MGA: variants seen among roughly 807,000 people sequenced by gnomAD.
MGA encodes the protein MAX dimerization protein MGA.
A neutral mutation model predicts 261.1 loss-of-function variants in MGA; 40 were observed. That is an observed-to-expected ratio of 0.15 (90% CI 0.12 to 0.20). The LOEUF (loss-of-function observed/expected upper bound fraction) is 0.20, where lower values mean the gene tolerates loss of function less well. MGA is among the 10% of genes least tolerant of loss of function. The probability of loss-of-function intolerance (pLI) is 1.00; values close to 1 mark genes in which losing one functional copy is unlikely to be tolerated. For missense variants in MGA, 3,397 were observed against 3,630.5 expected (o/e 0.94, Z 1.65); for synonymous variants, 1,302 against 1,290.6 (o/e 1.01, Z -0.19).
chr15:41,712,683 A>G (rs1285359517), intron 8 of MGA, among the ~76,000 whole-genome samples: 3 of 152,168 alleles, frequency 2.0e-5, no homozygotes, highest in Non-Finnish European at 4.4e-5. Context: ...TAATTACCCT[A>G]CAATAGGGAC....
intron 5 of MGA, among the ~76,000 whole-genome samples, chr15:41,701,124 T>C (rs998193606): frequency 1.3e-5 from 2 of 152,248 alleles, no homozygotes; most frequent in Non-Finnish European, 2.9e-5. Context: ...TATTGTCAGC[T>C]TTAGCTTCTG....
rs1442822707 is a variant in MGA, at chr15:41,725,855, AATAAATAAAT to A, written c.3431-1323_3431-1314del. Among the ~76,000 whole-genome samples, 6 of 17,574 alleles carry A rather than the reference AATAAATAAAT, an allele frequency of 3.4e-4. 2 individuals are homozygous for A. Among genetic ancestry groups the A allele is most frequent in the Non-Finnish European group, 4.7e-4 (4 of 8,508 alleles). 11.5% of individuals were successfully genotyped at this position (17,574 alleles called of 152,430 possible). ...GTCTCAAAAAAAAAAAAAAAAAAAA[AATAAATAAAT>A]AAATAAATAAATAAGTAAACCCAGG... is the stretch of plus-strand genomic sequence containing the variant. On this transcript the variant is annotated intron_variant, in intron 9 of 23. Transcript: ENST00000219905.
chr15:41,728,973 G>A (rs1336523371), intron 10 of MGA, among the ~76,000 whole-genome samples, 191 bp from the exon 11 acceptor site: 2 of 152,190 alleles, frequency 1.3e-5, no homozygotes, highest in African/African-American at 4.8e-5. Flanking sequence ...TTTCCTGATA[G>A]AGAACTGGAT....
intron 1 of MGA, among the ~76,000 whole-genome samples, chr15:41,644,437 C>G (rs1310039684): frequency 1.3e-5 from 2 of 150,014 alleles, no homozygotes; most frequent in African/African-American, 4.9e-5. Context: ...TGGAGGATCA[C>G]TTGAGTCCAG....
rs2063724969 is a variant in MGA at position 41,764,972 on chromosome 15, C to T, written c.7831C>T (p.Leu2611=). 1.2e-6 allele frequency: 2 copies of T among 1,614,068 alleles called. No individual in the cohort carries two copies. The stretch of plus-strand genomic sequence containing the variant: ...GCAATTGCTCACCCTAAAAGGTCCC[C>T]TATTCTCAGGACCAGTGGTAGCTGT... The change falls in exon 23 of 24, where the codon CTA becomes TTA. Residue 2611 remains leucine (L), a synonymous_variant. Transcript: ENST00000219905.
chr15:41,729,061 T>G (rs936405383), intron 10 of MGA, 103 bp from the exon 11 acceptor site: 1 of 1,196,914 alleles, frequency 8.4e-7, no homozygotes, highest in Non-Finnish European at 1.2e-6. Flanking sequence ...ATTAAAAAAT[T>G]TCGACTGTTG....
intron 15 of MGA, among the ~76,000 whole-genome samples, chr15:41,745,970 T>C (rs1015831972): frequency 3.2e-4 from 48 of 152,220 alleles, no homozygotes; most frequent in African/African-American, 1.1e-3. Flanking sequence ...CTCAGGTAAC[T>C]GCTACTTAAG....
chr15:41,661,815 G>A (rs1170165149), intron 1 of MGA, among the ~76,000 whole-genome samples: 2 of 152,180 alleles, frequency 1.3e-5, no homozygotes, highest in African/African-American at 4.8e-5. Context: ...CGGCTGCTGG[G>A]AAGGGGGTTG....
chr15:41,763,143 G>A (rs1380922402), intron 22 of MGA, among the ~76,000 whole-genome samples: 2 of 130,392 alleles, frequency 1.5e-5, no homozygotes, highest in Non-Finnish European at 3.1e-5. Flanking sequence ...TCTGTTGCCC[G>A]GGCTGGAGTG....
Position 41,668,882 on chromosome 15 carries a change from TC to T in MGA, c.-11del. The T allele has an allele frequency of 6.5e-7, 1 of 1,534,360 alleles. No individual in the cohort carries two copies. The highest frequency in any genetic ancestry group is 8.8e-7 in the Non-Finnish European group (1 of 1,133,752). On this transcript the variant is annotated 5_prime_UTR_variant, in exon 2 of 24. Coordinates refer to ENST00000219905, the MANE Select transcript of MGA (RefSeq NM_001164273.2). ...ATTACAGTTGTCTTACTACTGAGTT[TC>T]CTACTGAAATCATGGAGGAGAAACA...
At chr15:41,757,125 TTC>T (rs781310011) in intron 18 of MGA, among the ~76,000 whole-genome samples, 9 of 152,196 alleles carry the variant, frequency 5.9e-5, no homozygotes, top group Admixed American at 2.0e-4. Flanking sequence ...GATGTATTAT[TTC>T]TCAAGCTAGA....
intron 22 of MGA, among the ~76,000 whole-genome samples, chr15:41,763,256 C>T (rs867019726): frequency 3.3e-5 from 5 of 151,352 alleles, no homozygotes; most frequent in Non-Finnish European, 1.5e-5. Context: ...CCTGCCACTA[C>T]ACCCGGCTAA....
chr15:41,716,814 G>C (rs551113677), intron 9 of MGA, among the ~76,000 whole-genome samples: 1 of 151,946 alleles, frequency 6.6e-6, no homozygotes, highest in African/African-American at 2.4e-5. Context: ...TTTTTTGTGT[G>C]TTTTTATTAT....
At position 41,742,737 on chromosome 15, in the gene MGA, G is replaced by A; in HGVS notation, c.4777G>A (p.Val1593Met). 6.2e-7 allele frequency: 1 copy of A among 1,614,024 alleles called. No individual in the cohort carries two copies. Among genetic ancestry groups the A allele is most frequent in the Non-Finnish European group, 8.5e-7 (1 of 1,179,890 alleles). ...TGAGCCAGTTCAGGTGTGCAGCCCT[G>A]TGACTGCTGCTGTCACTACTACCAC... The change falls in exon 15 of 24, where the codon GTG becomes ATG. Residue 1593 changes from valine (V) to methionine (M), a missense_variant. Physicochemically the swap from Val to Met is conservative, Grantham distance 21. Coordinates refer to ENST00000219905, the MANE Select transcript of MGA (RefSeq NM_001164273.2).
At chr15:41,626,514 C>T (rs2056457785) in intron 1 of MGA, among the ~76,000 whole-genome samples, 1 of 152,056 alleles carries the variant, frequency 6.6e-6, no homozygotes, top group African/African-American at 2.4e-5. Flanking sequence ...TCTCTGCCTC[C>T]CGGGTTCAAG....
chr15:41,695,269 A>G (rs1417485848), intron 2 of MGA, among the ~76,000 whole-genome samples: 3 of 151,470 alleles, frequency 2.0e-5, no homozygotes, highest in African/African-American at 7.3e-5. Context: ...GCTCTCTGCA[A>G]CCTCCGCCTC....
At chr15:41,622,688 G>A (rs1178495596) in intron 1 of MGA, among the ~76,000 whole-genome samples, 1 of 152,112 alleles carries the variant, frequency 6.6e-6, no homozygotes, top group Non-Finnish European at 1.5e-5. Context: ...TGCCTAGAAG[G>A]GCCTAGAAGT....
At chr15:41,646,275 T>C (rs1311772483) in intron 1 of MGA, among the ~76,000 whole-genome samples, 1 of 152,138 alleles carries the variant, frequency 6.6e-6, no homozygotes, top group Non-Finnish European at 1.5e-5. Flanking sequence ...ATTTGTAGTT[T>C]TTATTTTTGT....
chr15:41,642,297 A>T (rs1345920455), intron 1 of MGA, among the ~76,000 whole-genome samples: 1 of 150,030 alleles, frequency 6.7e-6, no homozygotes, highest in African/African-American at 2.4e-5. Context: ...TTTTAATTGA[A>T]TTTAATTTGT....
Sources: gnomAD v4.1 joint callset for allele counts (sites outside exome capture counted in the v4.1 genomes callset) on GRCh38, gnomAD v4.1.1 for gene constraint, MANE v1.5 for transcripts, NCBI Gene and HGNC (gene_info 2026-07-23, HGNC 2026-07-21) for gene names.